Variants in SIPA1L1 observed in about 807,000 individuals in gnomAD.
The protein encoded by SIPA1L1 is signal-induced proliferation-associated 1-like protein 1.
A neutral mutation model predicts 162.7 loss-of-function variants in SIPA1L1; 26 were observed. That is an observed-to-expected ratio of 0.16 (90% CI 0.12 to 0.22). SIPA1L1 has a LOEUF of 0.22. Among genes scored for constraint, SIPA1L1 ranks in the 10% least tolerant of loss-of-function variants. The pLI, the probability that SIPA1L1 is intolerant of heterozygous loss-of-function variation, is 1.00. For missense variants in SIPA1L1, 1,874 were observed against 2,241.0 expected (o/e 0.84, Z 3.31); for synonymous variants, 829 against 837.4 (o/e 0.99, Z 0.17).
At chr14:71,594,592 A>G (rs925200318) in intron 5 of SIPA1L1, among the ~76,000 whole-genome samples, 27 of 152,224 alleles carry the variant, frequency 1.8e-4, no homozygotes, top group African/African-American at 3.4e-4. Flanking sequence ...TCCAAGGTCA[A>G]TGAGTCTGTT....
chr14:71,558,508 C>T (rs2056531165), intron 4 of SIPA1L1, among the ~76,000 whole-genome samples: 1 of 152,096 alleles, frequency 6.6e-6, no homozygotes. Context: ...CTTAGCTAAC[C>T]ACTCTCTCTG....
intron 4 of SIPA1L1, among the ~76,000 whole-genome samples, chr14:71,568,909 A>G (rs2031349251): frequency 6.6e-6 from 1 of 152,170 alleles, no homozygotes; most frequent in Non-Finnish European, 1.5e-5. Context: ...TGGGAAGTTG[A>G]TATTTTAGCT....
At chr14:71,391,527 A>G (rs2141354598) in intron 2 of SIPA1L1, among the ~76,000 whole-genome samples, 1 of 152,370 alleles carries the variant, frequency 6.6e-6, no homozygotes, top group South Asian at 2.1e-4. Context: ...GCTTATGAGA[A>G]CAGTTCATAT....
At chr14:71,384,624 T>A (rs2040173020) in intron 2 of SIPA1L1, among the ~76,000 whole-genome samples, 2 of 152,228 alleles carry the variant, frequency 1.3e-5, no homozygotes, top group Admixed American at 1.3e-4. Context: ...ATGTTGTGGT[T>A]TGAATTTAAG....
chr14:71,550,395 T>C (rs990899347), intron 4 of SIPA1L1, among the ~76,000 whole-genome samples: 3 of 152,190 alleles, frequency 2.0e-5, no homozygotes, highest in African/African-American at 4.8e-5. Context: ...GCTGAAGTTA[T>C]AAGCAAAGCA....
chr14:71,627,702 C>T (rs556047085), intron 7 of SIPA1L1, among the ~76,000 whole-genome samples: 13 of 152,238 alleles, frequency 8.5e-5, no homozygotes, highest in African/African-American at 3.1e-4. Flanking sequence ...TTAATCCTCA[C>T]AGCAACCCTG....
chr14:71,581,735 G>A (rs1486701979), intron 4 of SIPA1L1, among the ~76,000 whole-genome samples: 1 of 152,024 alleles, frequency 6.6e-6, no homozygotes, highest in Non-Finnish European at 1.5e-5. Flanking sequence ...CTATCCTGAT[G>A]GCAGGCATGG....
At chr14:71,686,921 G>A (rs765356726) in intron 13 of SIPA1L1, among the ~76,000 whole-genome samples, 11 of 152,166 alleles carry the variant, frequency 7.2e-5, no homozygotes, top group Non-Finnish European at 1.6e-4. Flanking sequence ...GCAGGAGCAG[G>A]GTGCTGAGGA....
At position 71,442,172 on chromosome 14, in the gene SIPA1L1, C is replaced by CAAA. The variant is rs368432068; in HGVS notation, c.-464-70546_-464-70544dup. The stretch of plus-strand genomic sequence containing the variant: ...TGGATGACAGAGCAAGACTCTGTCT[C>CAAA]AAAAAAAAAAAAAAAAAAAAAAAAA... On this transcript the variant is annotated intron_variant, in intron 2 of 23. Transcript: ENST00000381232. Among the ~76,000 whole-genome samples the CAAA allele has an allele frequency of 1.8e-3, 47 of 26,068 alleles. 2 individuals carry two copies. The highest frequency in any genetic ancestry group is 4.2e-3 in the African/African-American group (38 of 9,000). 17.1% of individuals were successfully genotyped at this position (26,068 alleles called of 152,430 possible). A position where few individuals can be genotyped will look rare whatever the true frequency, so the allele number is the denominator to read the frequency against.
At chr14:71,717,846 A>C (rs1024935572) in intron 17 of SIPA1L1, among the ~76,000 whole-genome samples, 7 of 152,178 alleles carry the variant, frequency 4.6e-5, no homozygotes, top group Admixed American at 1.3e-4. Context: ...TCTTCAACCC[A>C]AAAAAACATG....
At chr14:71,737,382 T>C (rs2085396978) in intron 22 of SIPA1L1, among the ~76,000 whole-genome samples, 1 of 152,216 alleles carries the variant, frequency 6.6e-6, no homozygotes, top group South Asian at 2.1e-4. Flanking sequence ...TGGAAGACTT[T>C]GGGTTCTCTG....
At chr14:71,699,229 A>C in intron 14 of SIPA1L1, 102 bp downstream of exon 14, 1 of 1,147,868 alleles carries the variant, frequency 8.7e-7, no homozygotes, top group South Asian at 1.4e-5. Context: ...AGCCTTGATC[A>C]ATTTGTAGAC....
rs564176087 is a variant in SIPA1L1 at position 71,610,638 on chromosome 14, T to G, written c.1499-8119T>G. 2.6e-5 allele frequency among the ~76,000 whole-genome samples: 4 copies of G among 152,338 alleles called. No individual in the cohort carries two copies. In the East Asian group the frequency reaches 5.8e-4, roughly 22 times the overall value. ...TCTGCTAATCTTCATCCTCTCTTTATTTAAAAATAATTTTTTTATGTACAG... is the reference window on the plus strand; with the variant it reads ...TCTGCTAATCTTCATCCTCTCTTTAGTTAAAAATAATTTTTTTATGTACAG... On this transcript the variant is annotated intron_variant, in intron 5 of 23. Coordinates refer to ENST00000381232, the MANE Select transcript of SIPA1L1 (RefSeq NM_001386936.1).
intron 2 of SIPA1L1, among the ~76,000 whole-genome samples, chr14:71,386,843 CAGGATCCAAA>C: frequency 6.6e-6 from 1 of 152,314 alleles, no homozygotes; most frequent in African/African-American, 2.4e-5. Context: ...AAGGTTTAAC[CAGGATCCAAA>C]CTTGAGTACT....
chr14:71,461,170 C>T (rs1462632862), intron 2 of SIPA1L1, among the ~76,000 whole-genome samples: 2 of 152,180 alleles, frequency 1.3e-5, no homozygotes, highest in East Asian at 1.9e-4. Flanking sequence ...GAACCTCTGC[C>T]CTTTCCGTGA....
intron 12 of SIPA1L1, among the ~76,000 whole-genome samples, chr14:71,677,343 G>A (rs1479880275): frequency 6.6e-6 from 1 of 152,162 alleles, no homozygotes; most frequent in Non-Finnish European, 1.5e-5. Context: ...TTGTAAATTT[G>A]TTTAAGTTCT....
At chr14:71,434,124 C>A (rs934584175) in intron 2 of SIPA1L1, among the ~76,000 whole-genome samples, 1 of 152,172 alleles carries the variant, frequency 6.6e-6, no homozygotes, top group South Asian at 2.1e-4. Flanking sequence ...TGGACCAGAA[C>A]CTATTAATTT....
At chr14:71,472,848 T>TAA (rs35990139) in intron 2 of SIPA1L1, among the ~76,000 whole-genome samples, 1,392 of 120,442 alleles carry the variant, frequency 0.012, 24 homozygotes, top group East Asian at 0.063. Context: ...TATGAAAACT[T>TAA]AAAAAAAAAA....
Position 71,342,128 on chromosome 14 carries a change from C to A in SIPA1L1, c.-465+20947C>A, listed in dbSNP as rs559715313. 2.0e-4 allele frequency among the ~76,000 whole-genome samples: 31 copies of A among 152,104 alleles called. 1 individual carries two copies. Among genetic ancestry groups the A allele is most frequent in the African/African-American group, 7.0e-4 (29 of 41,496 alleles). ...AAGTGATTCTCCCATTTCAGCCTCC[C>A]GAGTAGCTAGAACTGTTGTTGTGCC... is the stretch of plus-strand genomic sequence containing the variant. On this transcript the variant is annotated intron_variant, in intron 2 of 23. Coordinates refer to ENST00000381232, the MANE Select transcript of SIPA1L1 (RefSeq NM_001386936.1).
Sources: allele counts gnomAD v4.1 joint callset (sites outside exome capture counted in the v4.1 genomes callset), GRCh38; gene constraint gnomAD v4.1.1; transcripts MANE v1.5; gene names NCBI Gene and HGNC (gene_info 2026-07-23, HGNC 2026-07-21).